The following GLI3 variants were observed in gnomAD, a reference collection of about 807,000 sequenced individuals.
The protein encoded by GLI3 is GLI family zinc finger 3, also known as transcription activator GLI3.
GLI3 carries 20 observed loss-of-function variants against 100.8 expected under a neutral mutation model. The observed-to-expected ratio is 0.20, with a 90% confidence interval of 0.14 to 0.29. GLI3 has a LOEUF of 0.29. GLI3 is among the 10% of genes least tolerant of loss of function. The probability of loss-of-function intolerance (pLI) is 1.00; values close to 1 mark genes in which losing one functional copy is unlikely to be tolerated. For missense variants in GLI3, 2,040 were observed against 2,128.5 expected (o/e 0.96, Z 0.82); for synonymous variants, 938 against 860.5 (o/e 1.09, Z -1.58).
chr7:42,229,579 T>A (rs957117159), intron 1 of GLI3, among the ~76,000 whole-genome samples: 3 of 152,170 alleles, frequency 2.0e-5, no homozygotes, highest in Admixed American at 6.6e-5. Flanking sequence ...TCATAAGGAT[T>A]TTTGAGGCAA....
chr7:42,180,946 T>G (rs1464096927), intron 2 of GLI3, among the ~76,000 whole-genome samples: 1 of 152,172 alleles, frequency 6.6e-6, no homozygotes, highest in Non-Finnish European at 1.5e-5. Context: ...GTTCACCCAG[T>G]ATCTGGACTG....
chr7:42,199,372 A>C (rs1300892214), intron 2 of GLI3, among the ~76,000 whole-genome samples: 2 of 152,210 alleles, frequency 1.3e-5, no homozygotes, highest in Admixed American at 1.3e-4. Flanking sequence ...CAGAAAGCAC[A>C]TTAAAAGCCC....
At chr7:42,182,692 G>GTGTGTA (rs1562775956) in intron 2 of GLI3, among the ~76,000 whole-genome samples, 1 of 93,238 alleles carries the variant, frequency 1.1e-5, no homozygotes, top group Admixed American at 1.3e-4. Context: ...ACACATGTGT[G>GTGTGTA]TATATATATA....
chr7:42,155,172 G>A (rs116633614), intron 2 of GLI3, among the ~76,000 whole-genome samples: 438 of 152,126 alleles, frequency 2.9e-3, no homozygotes, highest in African/African-American at 1.0e-2. Context: ...AAGCGTGGTG[G>A]ATCACACCTG....
chr7:42,021,776 A>T (rs1788950304), intron 10 of GLI3, among the ~76,000 whole-genome samples: 1 of 152,236 alleles, frequency 6.6e-6, no homozygotes, highest in Non-Finnish European at 1.5e-5. Context: ...AAAAACCAAG[A>T]CACCCTGCCA....
chr7:42,009,736 A>T (rs1327764872), intron 10 of GLI3, among the ~76,000 whole-genome samples: 3 of 152,184 alleles, frequency 2.0e-5, no homozygotes, highest in Non-Finnish European at 4.4e-5. Flanking sequence ...CAAACAAATA[A>T]CAAAATGAAC....
At chr7:42,201,788 A>G (rs2128693124) in intron 2 of GLI3, among the ~76,000 whole-genome samples, 1 of 152,288 alleles carries the variant, frequency 6.6e-6, no homozygotes, top group Admixed American at 6.5e-5. Context: ...AAAGTACAGT[A>G]AAAGTACCGT....
At chr7:42,072,441 A>G (rs967128551) in intron 4 of GLI3, among the ~76,000 whole-genome samples, 2 of 152,208 alleles carry the variant, frequency 1.3e-5, no homozygotes, top group Non-Finnish European at 2.9e-5. Context: ...CCTACTTTTA[A>G]AAAGGAAGCA....
intron 4 of GLI3, among the ~76,000 whole-genome samples, chr7:42,054,342 T>A (rs1210480277): frequency 1.3e-5 from 2 of 152,196 alleles, no homozygotes; most frequent in Admixed American, 1.3e-4. Flanking sequence ...AATGCCAAGA[T>A]TAAAATCACA....
At chr7:42,244,034 A>G (rs1474021182) in intron 1 of GLI3, among the ~76,000 whole-genome samples, 1 of 152,118 alleles carries the variant, frequency 6.6e-6, no homozygotes, top group South Asian at 2.1e-4. Flanking sequence ...GGGTTTTACC[A>G]TGTTGGCCAG....
At chr7:42,240,756 C>G (rs1425865383), upstream of GLI3, among the ~76,000 whole-genome samples, 1 of 152,148 alleles carries the variant, frequency 6.6e-6, no homozygotes, top group Non-Finnish European at 1.5e-5. Context: ...GTTAGAACTT[C>G]AACATTTTCT....
intron 1 of GLI3, among the ~76,000 whole-genome samples, chr7:42,226,740 A>AT (rs1788588609): frequency 6.6e-6 from 1 of 152,186 alleles, no homozygotes; most frequent in Non-Finnish European, 1.5e-5. Flanking sequence ...CCTATAAATT[A>AT]TATCAGCTTA....
intron 2 of GLI3, among the ~76,000 whole-genome samples, chr7:42,188,990 G>C (rs1004711036): frequency 1.3e-5 from 2 of 152,096 alleles, no homozygotes; most frequent in Non-Finnish European, 2.9e-5. Flanking sequence ...AGTAATCTAT[G>C]GACTTTGGGT....
chr7:42,156,333 G>GT (rs1333244874), intron 2 of GLI3, among the ~76,000 whole-genome samples: 1 of 152,196 alleles, frequency 6.6e-6, no homozygotes, highest in Non-Finnish European at 1.5e-5. Context: ...CTTACACAGA[G>GT]TGAGTTAATT....
intron 3 of GLI3, among the ~76,000 whole-genome samples, chr7:42,101,375 A>G (rs1435188646): frequency 6.6e-6 from 1 of 152,142 alleles, no homozygotes; most frequent in Non-Finnish European, 1.5e-5. Flanking sequence ...CTGAGGTGGG[A>G]GAACTGCTTG....
At chr7:42,016,825 A>G (rs928182622) in intron 10 of GLI3, among the ~76,000 whole-genome samples, 1 of 152,172 alleles carries the variant, frequency 6.6e-6, no homozygotes, top group Non-Finnish European at 1.5e-5. Flanking sequence ...CTTTTCCAGT[A>G]TTCCTCTGTA....
At chr7:41,987,015 T>C (rs903354833) in intron 10 of GLI3, among the ~76,000 whole-genome samples, 2 of 150,712 alleles carry the variant, frequency 1.3e-5, no homozygotes, top group Non-Finnish European at 2.9e-5. Flanking sequence ...CTGACTGGGG[T>C]AGGGCCCGAC....
chr7:42,049,671 A>G (rs1027318444), intron 4 of GLI3, among the ~76,000 whole-genome samples: 1 of 152,206 alleles, frequency 6.6e-6, no homozygotes, highest in African/African-American at 2.4e-5. Context: ...CTGCTGCCCC[A>G]TAGCCACAGC....
At chr7:42,155,779 T>C (rs1025738709) in intron 2 of GLI3, among the ~76,000 whole-genome samples, 1 of 151,926 alleles carries the variant, frequency 6.6e-6, no homozygotes, top group Non-Finnish European at 1.5e-5. Context: ...TTCCCCTCAC[T>C]GCAGCAGAAA....
Sources: allele counts gnomAD v4.1 joint callset (sites outside exome capture counted in the v4.1 genomes callset), GRCh38; gene constraint gnomAD v4.1.1; transcripts MANE v1.5; gene names NCBI Gene and HGNC (gene_info 2026-07-23, HGNC 2026-07-21).